Variants in TRHDE observed in about 807,000 individuals in gnomAD.
The protein encoded by TRHDE is thyrotropin releasing hormone degrading enzyme.
Under a neutral mutation model 125.7 loss-of-function variants are expected in TRHDE, and 72 were observed. The observed-to-expected ratio is 0.57, with a 90% CI of 0.47 to 0.70. TRHDE has a LOEUF of 0.70. TRHDE is among the 30% of genes least tolerant of loss of function. TRHDE has a pLI of 0.00. For missense variants in TRHDE, 1,110 were observed against 1,327.1 expected, an observed-to-expected ratio of 0.84 and a Z score of 2.54; for synonymous variants, 509 against 509.1, an observed-to-expected ratio of 1.00 and a Z score of 0.00.
At chr12:72,179,596 C>T (rs1346073255) in intron 2 of TRHDE, among the ~76,000 whole-genome samples, 2 of 152,084 alleles carry the variant, frequency 1.3e-5, no homozygotes, top group Non-Finnish European at 2.9e-5. Context: ...CTTCATGAAG[C>T]CATTTCTGAT....
chr12:72,348,603 A>G (rs1188715806), intron 2 of TRHDE, among the ~76,000 whole-genome samples: 4 of 152,086 alleles, frequency 2.6e-5, no homozygotes, highest in African/African-American at 7.2e-5. Context: ...TAGAGAAGCT[A>G]GGACTTCTTT....
chr12:72,166,116 A>G (rs898877935), intron 2 of TRHDE, among the ~76,000 whole-genome samples: 11 of 152,188 alleles, frequency 7.2e-5, no homozygotes, highest in Admixed American at 1.3e-4. Context: ...AAACCCGTAC[A>G]GTGCAATACT....
At chr12:72,621,546 A>C in intron 14 of TRHDE, 98 bp from the exon 15 acceptor site, 2 of 931,956 alleles carry the variant, frequency 2.1e-6, no homozygotes, top group Non-Finnish European at 3.2e-6. Context: ...TTCCAGATCT[A>C]AAAACCATTT....
At chr12:72,375,432 T>C (rs1871833474) in intron 2 of TRHDE, among the ~76,000 whole-genome samples, 1 of 152,204 alleles carries the variant, frequency 6.6e-6, no homozygotes, top group South Asian at 2.1e-4. Context: ...GACAAGCAGA[T>C]TAATTTAATT....
intron 2 of TRHDE, among the ~76,000 whole-genome samples, chr12:72,184,036 C>G (rs532285512): frequency 6.6e-6 from 1 of 152,116 alleles, no homozygotes; most frequent in African/African-American, 2.4e-5. Context: ...AGGAACCACC[C>G]AAGGGTACAT....
intron 3 of TRHDE, among the ~76,000 whole-genome samples, chr12:72,453,860 A>G (rs694391): frequency 0.13 from 19,806 of 152,192 alleles, 1,776 homozygotes; most frequent in East Asian, 0.48. Context: ...AAGCCTTGGC[A>G]GGTACCATGT....
At chr12:72,634,274 G>T (rs1873623592) in intron 15 of TRHDE, among the ~76,000 whole-genome samples, 1 of 152,210 alleles carries the variant, frequency 6.6e-6, no homozygotes, top group African/African-American at 2.4e-5. Context: ...AGAATAGAAA[G>T]AAATGAGAAT....
intron 3 of TRHDE, among the ~76,000 whole-genome samples, chr12:72,445,265 AT>A (rs1181282013): frequency 6.6e-6 from 1 of 151,764 alleles, no homozygotes; most frequent in African/African-American, 2.4e-5. Context: ...TTTATCACAT[AT>A]TTTTTAATAA....
chr12:72,562,311 G>T, intron 8 of TRHDE, 81 bp downstream of exon 8: 2 of 668,680 alleles, frequency 3.0e-6, no homozygotes, highest in South Asian at 4.5e-5. Context: ...AGCCTTTATT[G>T]ACACCTGATA....
chr12:72,283,618 C>T (rs558034269), intron 1 of TRHDE, among the ~76,000 whole-genome samples: 103 of 152,124 alleles, frequency 6.8e-4, no homozygotes, highest in African/African-American at 2.3e-3. Context: ...AAATTGCTAC[C>T]TTCCCTAACA....
At chr12:72,107,583 T>C (rs1259739171) in intron 2 of TRHDE, among the ~76,000 whole-genome samples, 3 of 152,094 alleles carry the variant, frequency 2.0e-5, no homozygotes, top group Non-Finnish European at 4.4e-5. Flanking sequence ...TGGACTGTTC[T>C]CTGTTTTCTA....
At chr12:72,143,024 T>C (rs114169079) in intron 2 of TRHDE, among the ~76,000 whole-genome samples, 5,374 of 152,186 alleles carry the variant, frequency 0.035, 165 homozygotes, top group African/African-American at 0.086. Flanking sequence ...CCCTCTGCCC[T>C]TGTGAAAAGG....
In TRHDE at chr12:72,619,692, T is replaced by G. The variant is rs755136463; in HGVS notation, c.2469+654T>G. ...CATTTTCAATAATATTAGGATTAAG[T>G]ACTGCTCATGAGCCTTTTGATTCTT... On this transcript the variant is annotated intron_variant, in intron 13 of 18. Coordinates refer to ENST00000261180, the MANE Select transcript of TRHDE (RefSeq NM_013381.3). Among the ~76,000 whole-genome samples the G allele has an allele frequency of 2.3e-4, 35 of 152,202 alleles. 1 individual carries two copies. Among genetic ancestry groups the G allele is most frequent in the Admixed American group, 1.6e-3 (24 of 15,280 alleles).
intron 2 of TRHDE, among the ~76,000 whole-genome samples, chr12:72,118,867 A>T (rs1875510571): frequency 6.6e-6 from 1 of 151,546 alleles, no homozygotes; most frequent in African/African-American, 2.4e-5. Context: ...TAATTCTTTG[A>T]TTTGCTGTGG....
At chr12:72,421,272 G>C (rs968311675) in intron 3 of TRHDE, among the ~76,000 whole-genome samples, 1 of 152,150 alleles carries the variant, frequency 6.6e-6, no homozygotes, top group South Asian at 2.1e-4. Flanking sequence ...TCACTTGGGA[G>C]ATCCTAGGGC....
chr12:72,376,934 A>G (rs958207225), intron 2 of TRHDE, among the ~76,000 whole-genome samples: 1 of 151,970 alleles, frequency 6.6e-6, no homozygotes, highest in East Asian at 1.9e-4. Flanking sequence ...ATGGGATTGG[A>G]AGTAATATGT....
chr12:72,302,510 A>T (rs546032183), intron 2 of TRHDE, among the ~76,000 whole-genome samples: 1 of 152,298 alleles, frequency 6.6e-6, no homozygotes, highest in South Asian at 2.1e-4. Flanking sequence ...TTATAATAAT[A>T]TAAGGATGTT....
chr12:72,236,940 T>C (rs572731397), intron 2 of TRHDE, among the ~76,000 whole-genome samples: 3 of 152,320 alleles, frequency 2.0e-5, no homozygotes, highest in South Asian at 4.1e-4. Flanking sequence ...TCAAAGCTTA[T>C]ATGGGTTTTG....
At chr12:72,366,904 A>G (rs958961414) in intron 2 of TRHDE, among the ~76,000 whole-genome samples, 1 of 152,048 alleles carries the variant, frequency 6.6e-6, no homozygotes, top group Non-Finnish European at 1.5e-5. Flanking sequence ...TTTTGACCTC[A>G]GTAAAGAAGT....
Sources: allele counts gnomAD v4.1 joint callset (sites outside exome capture counted in the v4.1 genomes callset), GRCh38; gene constraint gnomAD v4.1.1; transcripts MANE v1.5; gene names NCBI Gene and HGNC (gene_info 2026-07-23, HGNC 2026-07-21).